BCLAF3: variants seen among roughly 807,000 people sequenced by gnomAD.
The protein encoded by BCLAF3 is transient octamer binding factor 1.
Under a neutral mutation model 51.2 loss-of-function variants are expected in BCLAF3, and 24 were observed. The observed-to-expected ratio is 0.47, with a 90% CI of 0.34 to 0.66. The LOEUF is 0.66. BCLAF3 is among the 30% of genes least tolerant of loss of function. BCLAF3 has a pLI of 0.01. For synonymous variants in BCLAF3, 152 were observed against 176.6 expected, an observed-to-expected ratio of 0.86 and a Z score of 1.10; for missense variants, 465 against 525.1, an observed-to-expected ratio of 0.89 and a Z score of 1.12.
chrX:19,965,547 C>G lies in BCLAF3; in HGVS notation c.771G>C (p.Gly257=). ...TCTCAGCATGTCGATAAGTTTGGGG[C>G]CCAAGGTTCCACTGGTCTGTGTCCT... ...YQEDTDQWNL[G]PQTYRHAERE... Residue 257 remains glycine (G), a synonymous_variant, in exon 4 of 12, where the codon GGG becomes GGC. Transcript: ENST00000379682. 1.7e-6 allele frequency: 2 copies of G among 1,201,186 alleles called. No homozygotes were observed. The highest frequency in any genetic ancestry group is 2.2e-6 in the Non-Finnish European group (2 of 891,005).
At chrX:19,929,284 T>C (rs1473421940) in intron 11 of BCLAF3, 1 of 112,147 alleles carries the variant, frequency 8.9e-6, no homozygotes, top group African/African-American at 3.2e-5. Flanking sequence ...CGCTGAACTG[T>C]ATGTACTTGA....
At position 19,950,737 on chromosome X, in the gene BCLAF3, G is replaced by A. The variant is rs1375905106; in HGVS notation, c.1745+16C>T. ...AAAGCTCCCTGATAACAGGATGTTT[G>A]TCATCTACTGATTACCTCTCTGCAG... On this transcript the variant is annotated intron_variant, in intron 8 of 11. Transcript: ENST00000379682. The A allele has an allele frequency of 9.0e-7, 1 of 1,109,654 alleles. No homozygotes were observed. Among genetic ancestry groups the A allele is most frequent in the Admixed American group, 2.3e-5 (1 of 43,930 alleles). The allele number at this position is 1,109,654 out of a possible 1,213,427, so 91.4% of individuals were successfully genotyped here. A position where few individuals can be genotyped will look rare whatever the true frequency, so the allele number is the denominator to read the frequency against.
chrX:19,988,494 G>A (rs915357758), intron 1 of BCLAF3, among the ~76,000 whole-genome samples: 1 of 111,901 alleles, frequency 8.9e-6, no homozygotes, highest in African/African-American at 3.2e-5. Flanking sequence ...TAACATGGCC[G>A]GGTGCAGTGG....
At chrX:19,989,236 C>A (rs2072882979) in intron 1 of BCLAF3, among the ~76,000 whole-genome samples, 1 of 111,679 alleles carries the variant, frequency 9.0e-6, no homozygotes, top group African/African-American at 3.3e-5. Flanking sequence ...TGGCTCACAC[C>A]TGTAATCCCA....
intron 11 of BCLAF3, among the ~76,000 whole-genome samples, chrX:19,918,293 T>C (rs2069996193): frequency 9.0e-6 from 1 of 111,192 alleles, no homozygotes; most frequent in African/African-American, 3.3e-5. Flanking sequence ...TGTATCCTAG[T>C]TCTTTACTCA....
chrX:19,946,857 A>G (rs1333911672), intron 8 of BCLAF3, among the ~76,000 whole-genome samples: 1 of 112,048 alleles, frequency 8.9e-6, no homozygotes, highest in East Asian at 2.8e-4. Flanking sequence ...CAACCCAGCT[A>G]CATTTTTTAA....
Position 19,935,758 on chromosome X carries a change from T to C in BCLAF3, c.1950+51A>G, listed in dbSNP as rs752328752. ...ATTTACTAACACTTAAAACATTGTG[T>C]CCAAAGCATAAAACCAAAGCTGGAA... On this transcript the variant is annotated intron_variant, in intron 10 of 11. Transcript: ENST00000379682. The C allele has an allele frequency of 1.1e-5, 11 of 997,701 alleles. 1 individual carries two copies. In the South Asian group the frequency reaches 2.1e-4, roughly 19 times the overall value. 82.2% of individuals were successfully genotyped at this position (997,701 alleles called of 1,213,427 possible).
rs1263538429 is a variant in BCLAF3, at chrX:19,915,506, G to A, written c.*1799C>T. The A allele has an allele frequency of 8.9e-6, 1 of 112,131 alleles. No homozygotes were observed. The highest frequency in any genetic ancestry group is 3.7e-4 in the South Asian group (1 of 2,718). 9.2% of individuals were successfully genotyped at this position (112,131 alleles called of 1,213,427 possible). A position where few individuals can be genotyped will look rare whatever the true frequency, so the allele number is the denominator to read the frequency against. ...AGTGCCAAAAGAATATCCAAATAGG[G>A]AATCAGTTGTGGAATGAATAATAGT... On this transcript the variant is annotated 3_prime_UTR_variant, in exon 12 of 12. Coordinates refer to ENST00000379682, the MANE Select transcript of BCLAF3 (RefSeq NM_001367774.2).
chrX:19,990,142 GAA>G (rs376381001), intron 1 of BCLAF3, among the ~76,000 whole-genome samples: 1 of 50,786 alleles, frequency 2.0e-5, no homozygotes, highest in Non-Finnish European at 3.8e-5. Flanking sequence ...TTTGTTCCAG[GAA>G]AAAAAAAAAA....
intron 10 of BCLAF3, among the ~76,000 whole-genome samples, chrX:19,932,127 T>A (rs1489299501): frequency 8.9e-6 from 1 of 112,504 alleles, no homozygotes; most frequent in African/African-American, 3.2e-5. Flanking sequence ...ATGAGAATTT[T>A]ACTCAGAAGA....
At chrX:19,956,032 A>G (rs2071650104) in intron 4 of BCLAF3, among the ~76,000 whole-genome samples, 1 of 112,169 alleles carries the variant, frequency 8.9e-6, no homozygotes, top group African/African-American at 3.2e-5. Flanking sequence ...TGTATCAATA[A>G]TAAGAAGCTT....
chrX:19,961,874 A>C (rs2071868272), intron 4 of BCLAF3, among the ~76,000 whole-genome samples: 1 of 112,258 alleles, frequency 8.9e-6, no homozygotes, highest in African/African-American at 3.2e-5. Context: ...CAGGTATTCA[A>C]ATGGCCCTGG....
chrX:19,932,332 C>T (rs892321940), intron 10 of BCLAF3, among the ~76,000 whole-genome samples: 2 of 111,251 alleles, frequency 1.8e-5, no homozygotes, highest in African/African-American at 6.5e-5. Flanking sequence ...TACTACATGA[C>T]CGGGGTCCAA....
intron 8 of BCLAF3, among the ~76,000 whole-genome samples, chrX:19,944,104 T>G (rs1157031324): frequency 7.3e-5 from 4 of 54,929 alleles, no homozygotes; most frequent in Non-Finnish European, 1.3e-4. Flanking sequence ...AACCCCTGCC[T>G]TTTTTTGTTT....
At chrX:19,931,365 T>C (rs777925814) in intron 10 of BCLAF3, among the ~76,000 whole-genome samples, 1 of 111,535 alleles carries the variant, frequency 9.0e-6, no homozygotes, top group Non-Finnish European at 1.9e-5. Context: ...CCTAGAATAA[T>C]CTAAAACAGA....
At chrX:19,977,159 T>A (rs1569510034) in intron 1 of BCLAF3, among the ~76,000 whole-genome samples, 1 of 111,256 alleles carries the variant, frequency 9.0e-6, no homozygotes, top group Non-Finnish European at 1.9e-5. Context: ...CACAATAATA[T>A]TGAAATGAGG....
At chrX:19,935,643 T>G in intron 10 of BCLAF3, 166 bp downstream of exon 10, 1 of 442,058 alleles carries the variant, frequency 2.3e-6, no homozygotes, top group Non-Finnish European at 4.0e-6. Context: ...AGGAAAGGGG[T>G]CATCAACAAA....
intron 1 of BCLAF3, among the ~76,000 whole-genome samples, chrX:19,984,058 G>A (rs1277655917): frequency 2.7e-5 from 2 of 74,136 alleles, no homozygotes; most frequent in South Asian, 1.8e-3. Flanking sequence ...GGCAACAAGA[G>A]CAAGACTCCA....
At chrX:19,990,430 G>A (rs1488770695) in intron 1 of BCLAF3, among the ~76,000 whole-genome samples, 1 of 113,947 alleles carries the variant, frequency 8.8e-6, no homozygotes, top group African/African-American at 3.2e-5. Flanking sequence ...AGATGCCGCT[G>A]CGCGGCAGGA....
Sources: gnomAD v4.1 joint callset for allele counts (sites outside exome capture counted in the v4.1 genomes callset) on GRCh38, gnomAD v4.1.1 for gene constraint, MANE v1.5 for transcripts, NCBI Gene and HGNC (gene_info 2026-07-23, HGNC 2026-07-21) for gene names.